TG: variants seen among roughly 807,000 people sequenced by gnomAD.
The protein encoded by TG is thyroid hormones.
Under a neutral mutation model 324.7 loss-of-function variants are expected in TG, and 270 were observed. The ratio of observed to expected loss-of-function variants is 0.83; its 90% CI spans 0.75 to 0.92. The LOEUF is 0.92. Ranked by LOEUF, TG falls within the 40% of genes least tolerant of loss-of-function variation. TG has a pLI of 0.00. For synonymous variants in TG, 1,401 were observed against 1,327.0 expected, an observed-to-expected ratio of 1.06 and a Z score of -1.21; for missense variants, 3,591 against 3,456.4, an observed-to-expected ratio of 1.04 and a Z score of -0.98.
At chr8:132,956,921 C>T (rs1395784739) in intron 27 of TG, among the ~76,000 whole-genome samples, 3 of 151,932 alleles carry the variant, frequency 2.0e-5, no homozygotes. Flanking sequence ...AGTCTGAATG[C>T]ATGTGGAGAC....
intron 4 of TG, among the ~76,000 whole-genome samples, 171 bp downstream of exon 4, chr8:132,871,722 G>A (rs1486179348): frequency 1.3e-5 from 2 of 152,204 alleles, no homozygotes; most frequent in Non-Finnish European, 2.9e-5. Flanking sequence ...ATTTCCATAT[G>A]GTAGACAAGC....
intron 22 of TG, among the ~76,000 whole-genome samples, chr8:132,928,479 A>G (rs2132521013): frequency 6.6e-6 from 1 of 152,286 alleles, no homozygotes; most frequent in African/African-American, 2.4e-5. Context: ...CTGAGAAATT[A>G]TATTTCTTCC....
At chr8:132,983,099 C>T (rs1831086365) in intron 34 of TG, among the ~76,000 whole-genome samples, 1 of 152,118 alleles carries the variant, frequency 6.6e-6, no homozygotes, top group Non-Finnish European at 1.5e-5. Flanking sequence ...TAGAGCAAAG[C>T]CCCCAGCCTC....
Position 133,133,476 on chromosome 8 carries a change from C to A in TG, c.8004C>A (p.Pro2668=). 1.2e-6 allele frequency: 2 copies of A among 1,614,152 alleles called. No homozygotes were observed. The highest frequency in any genetic ancestry group is 1.7e-4 in the Middle Eastern group (1 of 6,060). The change falls in exon 47 of 48, where the codon CCC becomes CCA. Residue 2668 remains proline (P), a synonymous_variant. Coordinates refer to ENST00000220616, the MANE Select transcript of TG (RefSeq NM_003235.5). The part of the protein sequence containing the change: ...YFSHFIRSGN[P]NYPYEFSRKV... ...TTTCTTCTCATTTGCCCAGAAATCC[C>A]AACTACCCTTATGAGTTCTCACGGA...
chr8:133,114,980 C>T (rs905431908), intron 44 of TG, among the ~76,000 whole-genome samples: 2 of 151,896 alleles, frequency 1.3e-5, no homozygotes, highest in Non-Finnish European at 1.5e-5. Flanking sequence ...TTAGATTAAA[C>T]AGCCAACAGC....
In TG at chr8:133,029,636, G is replaced by T. The variant is rs182899469; in HGVS notation, c.7037-185G>T. Among the ~76,000 whole-genome samples, 12 of 152,324 alleles carry T rather than the reference G, an allele frequency of 7.9e-5. No individual in the cohort carries two copies. In the East Asian group the frequency reaches 2.3e-3, roughly 29 times the overall value. On this transcript the variant is annotated intron_variant, in intron 40 of 47. Transcript: ENST00000220616. ...CTAGCATTCAGGCCTATGTGTGTCT[G>T]GTCTCAAGGCCCATGCTCCTCCACT...
chr8:132,968,042 C>A, intron 31 of TG, 72 bp downstream of exon 31: 1 of 1,543,780 alleles, frequency 6.5e-7, no homozygotes, highest in Non-Finnish European at 8.8e-7. Flanking sequence ...TAGAAAGATC[C>A]ACATTAGTTT....
chr8:133,015,713 C>T (rs1587768027), intron 37 of TG, among the ~76,000 whole-genome samples: 1 of 152,196 alleles, frequency 6.6e-6, no homozygotes, highest in African/African-American at 2.4e-5. Flanking sequence ...TCAGCAGCCA[C>T]GGTCCTGAGT....
chr8:132,914,546 C>T (rs983211743), intron 20 of TG, among the ~76,000 whole-genome samples: 1 of 152,186 alleles, frequency 6.6e-6, no homozygotes, highest in African/African-American at 2.4e-5. Context: ...AGTGCACCTG[C>T]ACAAACATTT....
Position 133,067,299 on chromosome 8 carries a change from C to T in TG, c.7240-27745C>T, listed in dbSNP as rs73361263. 8.4e-3 allele frequency among the ~76,000 whole-genome samples: 1,278 copies of T among 152,192 alleles called. 23 individuals carry two copies. The highest frequency in any genetic ancestry group is 0.028 in the African/African-American group (1,181 of 41,528). On this transcript the variant is annotated intron_variant, in intron 41 of 47. Coordinates refer to ENST00000220616, the MANE Select transcript of TG (RefSeq NM_003235.5). The stretch of plus-strand genomic sequence containing the variant: ...GCAGGCCTGTTCTACCTGCTCCCAC[C>T]CCACCCCCATCTGCTTCTCCTTTCT...
At chr8:133,045,387 CTTTTTTTTTTTTT>C (rs5895172) in intron 41 of TG, among the ~76,000 whole-genome samples, 7 of 65,870 alleles carry the variant, frequency 1.1e-4, no homozygotes, top group Non-Finnish European at 1.5e-4. Context: ...ATCCTCTTTG[CTTTTTTTTTTTTT>C]TTTTTTTTTT....
intron 3 of TG, 86 bp from the exon 4 acceptor site, chr8:132,871,262 T>C (rs1172915474): frequency 1.4e-6 from 2 of 1,432,642 alleles, no homozygotes; most frequent in East Asian, 2.3e-5. Flanking sequence ...CTGTGTCCCC[T>C]TGGGAAGGGA....
chr8:132,980,110 C>T (rs1029778855), intron 34 of TG, among the ~76,000 whole-genome samples: 1 of 151,700 alleles, frequency 6.6e-6, no homozygotes, highest in African/African-American at 2.4e-5. Flanking sequence ...AAGTCAAGAG[C>T]TTTTGAGTCC....
rs774985194 is a variant in TG, at chr8:132,941,561, GC to G, written c.5233+21del. On this transcript the variant is annotated intron_variant, in intron 26 of 47. Transcript: ENST00000220616. ...CAAGGAGGTAATGTTGGCAGTGAGG[GC>G]CAGGGCCTAACAAGGGATGGGGAGC... 4.8e-4 allele frequency: 774 copies of G among 1,613,970 alleles called. No homozygotes were observed. The highest frequency in any genetic ancestry group is 6.3e-4 in the Non-Finnish European group (747 of 1,180,010).
chr8:133,074,633 C>G (rs1377949509), intron 41 of TG, among the ~76,000 whole-genome samples: 3 of 152,214 alleles, frequency 2.0e-5, no homozygotes. Flanking sequence ...TGCCCCTGCT[C>G]CTCCAGCCCT....
At chr8:132,920,310 A>G (rs1156518029) in intron 21 of TG, among the ~76,000 whole-genome samples, 1 of 152,206 alleles carries the variant, frequency 6.6e-6, no homozygotes, top group Non-Finnish European at 1.5e-5. Context: ...AAACTGTGTC[A>G]ATGTGAAGGA....
At chr8:132,966,328 A>T (rs1828551156) in intron 29 of TG, among the ~76,000 whole-genome samples, 1 of 152,190 alleles carries the variant, frequency 6.6e-6, no homozygotes, top group South Asian at 2.1e-4. Context: ...CATAATTTTT[A>T]GGACTTCCTG....
chr8:132,872,906 T>G (rs537603328), intron 4 of TG, among the ~76,000 whole-genome samples, 156 bp from the exon 5 acceptor site: 1 of 152,306 alleles, frequency 6.6e-6, no homozygotes, highest in African/African-American at 2.4e-5. Flanking sequence ...TCTGCATAAG[T>G]ACACTCTATG....
intron 35 of TG, chr8:132,988,794 A>T: frequency 1.0e-6 from 1 of 985,356 alleles, no homozygotes; most frequent in Non-Finnish European, 1.2e-6. Context: ...TGATCGTCGC[A>T]CCCCTTCCCT....
Sources: gnomAD v4.1 joint callset for allele counts (sites outside exome capture counted in the v4.1 genomes callset) on GRCh38, gnomAD v4.1.1 for gene constraint, MANE v1.5 for transcripts, NCBI Gene and HGNC (gene_info 2026-07-23, HGNC 2026-07-21) for gene names.